The following GRIN2A variants were observed in gnomAD, a reference collection of about 807,000 sequenced individuals.
The protein encoded by GRIN2A is glutamate receptor ionotropic, NMDA 2A.
In GRIN2A, 22 loss-of-function variants were observed where a neutral mutation model predicts 113.4. The ratio of observed to expected loss-of-function variants is 0.19; its 90% CI spans 0.14 to 0.28. The LOEUF is 0.28. Ranked by LOEUF, GRIN2A falls within the 10% of genes least tolerant of loss-of-function variation. The pLI is 1.00. For missense variants in GRIN2A, 1,502 were observed against 1,887.0 expected (o/e 0.80, Z 3.78); for synonymous variants, 827 against 738.4 (o/e 1.12, Z -1.94).
At chr16:10,120,046 G>A (rs766260443) in intron 2 of GRIN2A, among the ~76,000 whole-genome samples, 1 of 152,176 alleles carries the variant, frequency 6.6e-6, no homozygotes, top group Non-Finnish European at 1.5e-5. Context: ...GAATACATAT[G>A]TATGCATATA....
chr16:9,781,132 G>A (rs1325822749), intron 11 of GRIN2A, among the ~76,000 whole-genome samples: 2 of 152,114 alleles, frequency 1.3e-5, no homozygotes, highest in Non-Finnish European at 2.9e-5. Context: ...AGGAATGAGT[G>A]TGGTTGTGTT....
At chr16:10,010,136 C>G (rs537856609) in intron 2 of GRIN2A, among the ~76,000 whole-genome samples, 4 of 152,358 alleles carry the variant, frequency 2.6e-5, no homozygotes, top group African/African-American at 9.6e-5. Context: ...ATGAACATCT[C>G]AGTTCCTTTC....
At chr16:10,106,504 G>A (rs1312358921) in intron 2 of GRIN2A, among the ~76,000 whole-genome samples, 3 of 151,862 alleles carry the variant, frequency 2.0e-5, no homozygotes, top group East Asian at 1.9e-4. Flanking sequence ...ACCATCACAC[G>A]TGAGGTTGTT....
chr16:9,834,365 C>G, intron 7 of GRIN2A, 135 bp from the exon 8 acceptor site: 1 of 805,976 alleles, frequency 1.2e-6, no homozygotes, highest in Non-Finnish European at 2.1e-6. Context: ...TCAAAAGAAG[C>G]TAATCATTTT....
chr16:9,888,936 C>T (rs1170001470), intron 4 of GRIN2A, among the ~76,000 whole-genome samples: 1 of 151,884 alleles, frequency 6.6e-6, no homozygotes, highest in Non-Finnish European at 1.5e-5. Flanking sequence ...TCTTGCATTC[C>T]TCAGATAGCC....
chr16:9,795,060 AATAATG>A (rs558360320), intron 11 of GRIN2A, among the ~76,000 whole-genome samples: 1 of 152,020 alleles, frequency 6.6e-6, no homozygotes, highest in Non-Finnish European at 1.5e-5. Flanking sequence ...TGATAATGAT[AATAATG>A]ATATCAGAGG....
chr16:9,833,798 C>T (rs1016263931), intron 8 of GRIN2A, among the ~76,000 whole-genome samples: 1 of 152,214 alleles, frequency 6.6e-6, no homozygotes, highest in African/African-American at 2.4e-5. Context: ...CGACTCACTG[C>T]AACCTCTGCC....
chr16:10,125,934 A>G (rs932499351), intron 2 of GRIN2A, among the ~76,000 whole-genome samples: 8 of 152,106 alleles, frequency 5.3e-5, no homozygotes, highest in Admixed American at 4.6e-4. Flanking sequence ...TCACACCTGC[A>G]GGAAAACTGG....
intron 2 of GRIN2A, among the ~76,000 whole-genome samples, chr16:9,998,894 G>C (rs943183263): frequency 6.6e-6 from 1 of 152,090 alleles, no homozygotes; most frequent in African/African-American, 2.4e-5. Flanking sequence ...TCTCCTTCAG[G>C]ACTTCCTGGA....
intron 2 of GRIN2A, among the ~76,000 whole-genome samples, chr16:10,130,279 G>A (rs988144918): frequency 1.3e-5 from 2 of 152,260 alleles, no homozygotes; most frequent in South Asian, 2.1e-4. Flanking sequence ...AACATTGAGG[G>A]GAAAATCAAA....
At chr16:9,986,486 C>T (rs1368808708) in intron 2 of GRIN2A, among the ~76,000 whole-genome samples, 3 of 151,900 alleles carry the variant, frequency 2.0e-5, no homozygotes, top group Non-Finnish European at 2.9e-5. Flanking sequence ...TAAAATGGGC[C>T]GAGTGCGGTG....
chr16:9,999,053 A>T (rs2046277379), intron 2 of GRIN2A, among the ~76,000 whole-genome samples: 1 of 152,198 alleles, frequency 6.6e-6, no homozygotes, highest in Non-Finnish European at 1.5e-5. Flanking sequence ...CCAACAACTC[A>T]CAATTCCTAT....
chr16:10,006,413 A>C (rs1174946927), intron 2 of GRIN2A, among the ~76,000 whole-genome samples: 12 of 152,202 alleles, frequency 7.9e-5, no homozygotes, highest in Admixed American at 7.9e-4. Context: ...GTCAAGGAGG[A>C]TCTATCACTC....
intron 2 of GRIN2A, among the ~76,000 whole-genome samples, chr16:10,127,703 G>A (rs2048971459): frequency 6.6e-6 from 1 of 152,136 alleles, no homozygotes; most frequent in South Asian, 2.1e-4. Flanking sequence ...AATATTTGTG[G>A]AATTGATGGA....
In GRIN2A at chr16:10,108,102, A is replaced by T. The variant is rs528657523; in HGVS notation, c.414+71896T>A. ...TAAAGAAGAGAAAATTGAGTGTATT[A>T]GTCCATTTTCATGCTGCTGATAAAG... is the stretch of plus-strand genomic sequence containing the variant. On this transcript the variant is annotated intron_variant, in intron 2 of 12. Transcript: ENST00000330684. Among the ~76,000 whole-genome samples, 4 of 152,310 alleles carry T rather than the reference A, an allele frequency of 2.6e-5. No individual in the cohort carries two copies. In the East Asian group the frequency reaches 7.7e-4, roughly 29 times the overall value.
At chr16:10,162,384 C>T (rs2142329206) in intron 2 of GRIN2A, among the ~76,000 whole-genome samples, 1 of 152,312 alleles carries the variant, frequency 6.6e-6, no homozygotes, top group East Asian at 1.9e-4. Flanking sequence ...TCTCTGTATT[C>T]ATTTTCCCAG....
At chr16:10,079,125 G>A (rs1351563426) in intron 2 of GRIN2A, among the ~76,000 whole-genome samples, 1 of 152,214 alleles carries the variant, frequency 6.6e-6, no homozygotes, top group African/African-American at 2.4e-5. Context: ...CTCACTAGGT[G>A]TCAGGCACCA....
At chr16:9,923,728 ATTG>A (rs911602485) in intron 3 of GRIN2A, among the ~76,000 whole-genome samples, 1 of 152,120 alleles carries the variant, frequency 6.6e-6, no homozygotes, top group African/African-American at 2.4e-5. Flanking sequence ...TCTTTGTGCT[ATTG>A]TTGTCATATT....
chr16:9,779,517 AAGGAAAGAAAAGAGGAC>A (rs906556609), intron 11 of GRIN2A, among the ~76,000 whole-genome samples: 12 of 152,184 alleles, frequency 7.9e-5, no homozygotes, highest in Non-Finnish European at 1.6e-4. Flanking sequence ...AGAGAGTGGA[AAGGAAAGAAAAGAGGAC>A]AGGGAAGAGA....
Sources: allele counts gnomAD v4.1 joint callset (sites outside exome capture counted in the v4.1 genomes callset), GRCh38; gene constraint gnomAD v4.1.1; transcripts MANE v1.5; gene names NCBI Gene and HGNC (gene_info 2026-07-23, HGNC 2026-07-21).